SCFD2: variants seen among roughly 807,000 people sequenced by gnomAD.
The protein encoded by SCFD2 is sec1 family domain-containing protein 2.
SCFD2 carries 54 observed loss-of-function variants against 58.9 expected under a neutral mutation model. The observed-to-expected ratio is 0.92, with a 90% CI of 0.74 to 1.15. The LOEUF (loss-of-function observed/expected upper bound fraction) is 1.15, where lower values mean the gene tolerates loss of function less well. Ranked by LOEUF, SCFD2 falls within the 50% of genes most tolerant of loss-of-function variation. SCFD2 has a pLI of 0.00. For synonymous variants in SCFD2, 321 were observed against 335.9 expected (o/e 0.96, Z 0.49); for missense variants, 805 against 836.6 (o/e 0.96, Z 0.47).
At chr4:53,352,485 A>T in intron 2 of SCFD2, 113 bp downstream of exon 2, 1 of 851,640 alleles carries the variant, frequency 1.2e-6, no homozygotes, top group Non-Finnish European at 1.7e-6. Flanking sequence ...CCACTGTGAA[A>T]TTTTCAACCA....
chr4:53,040,393 A>T (rs1047335682), intron 5 of SCFD2, among the ~76,000 whole-genome samples: 1 of 152,070 alleles, frequency 6.6e-6, no homozygotes, highest in African/African-American at 2.4e-5. Flanking sequence ...ATTTATAAAT[A>T]ATCCACATTG....
chr4:53,238,255 C>T (rs1729741137), intron 4 of SCFD2, among the ~76,000 whole-genome samples: 1 of 121,512 alleles, frequency 8.2e-6, no homozygotes, highest in Admixed American at 8.0e-5. Flanking sequence ...TAGGGGCGGC[C>T]AGGCAGAGGC....
chr4:53,026,005 A>T (rs1253012340), intron 5 of SCFD2, among the ~76,000 whole-genome samples: 3 of 149,568 alleles, frequency 2.0e-5, no homozygotes, highest in African/African-American at 4.9e-5. Flanking sequence ...ACGGTTTTTC[A>T]TTTTTTTTTT....
chr4:52,919,719 A>G (rs1476917493), intron 6 of SCFD2, among the ~76,000 whole-genome samples: 1 of 152,222 alleles, frequency 6.6e-6, no homozygotes, highest in Non-Finnish European at 1.5e-5. Context: ...ACTTGTGGCA[A>G]TCAAAGGAAA....
chr4:52,922,927 C>T (rs1015298555), intron 5 of SCFD2, among the ~76,000 whole-genome samples: 4 of 152,108 alleles, frequency 2.6e-5, no homozygotes, highest in African/African-American at 4.8e-5. Flanking sequence ...TGAGGATACA[C>T]GTGTTGAAAA....
At chr4:53,133,963 G>A (rs1193105268) in intron 5 of SCFD2, among the ~76,000 whole-genome samples, 1 of 152,166 alleles carries the variant, frequency 6.6e-6, no homozygotes, top group Non-Finnish European at 1.5e-5. Flanking sequence ...ATACCAGAAT[G>A]CCAATATCTC....
chr4:53,028,108 G>A (rs1237579059), intron 5 of SCFD2, among the ~76,000 whole-genome samples: 12 of 151,946 alleles, frequency 7.9e-5, no homozygotes, highest in East Asian at 3.9e-4. Context: ...TTAGCTGGGC[G>A]TGGTGGCAGG....
chr4:53,224,322 G>C (rs1252464232), intron 4 of SCFD2, among the ~76,000 whole-genome samples: 1 of 150,686 alleles, frequency 6.6e-6, no homozygotes, highest in African/African-American at 2.4e-5. Flanking sequence ...CTGGGAGGCA[G>C]AGGTTGCAGT....
intron 4 of SCFD2, among the ~76,000 whole-genome samples, chr4:53,188,108 TA>T (rs1727788043): frequency 6.6e-6 from 1 of 152,022 alleles, no homozygotes; most frequent in South Asian, 2.1e-4. Flanking sequence ...GCTTAATGGT[TA>T]AATGGCAATA....
At chr4:53,297,470 TTTTG>T (rs959775318) in intron 3 of SCFD2, among the ~76,000 whole-genome samples, 398 of 152,204 alleles carry the variant, frequency 2.6e-3, no homozygotes, top group African/African-American at 8.8e-3. Context: ...TTGGTTTTTT[TTTTG>T]TTTGTTTGTT....
intron 7 of SCFD2, among the ~76,000 whole-genome samples, chr4:52,896,199 G>A (rs1171899167): frequency 6.6e-6 from 1 of 152,106 alleles, no homozygotes; most frequent in Non-Finnish European, 1.5e-5. Flanking sequence ...GGCTTTTGTT[G>A]CCATTGCTTT....
At chr4:53,175,128 G>C (rs928358877) in intron 4 of SCFD2, among the ~76,000 whole-genome samples, 4 of 152,078 alleles carry the variant, frequency 2.6e-5, no homozygotes, top group Non-Finnish European at 4.4e-5. Context: ...TTGAAATACA[G>C]AACTAATAAG....
At chr4:52,952,385 C>T (rs955483368) in intron 5 of SCFD2, among the ~76,000 whole-genome samples, 3 of 151,912 alleles carry the variant, frequency 2.0e-5, no homozygotes, top group African/African-American at 7.3e-5. Context: ...GGCAGCTGCC[C>T]TCCTCTCTGC....
chr4:52,955,246 C>G lies in SCFD2; in HGVS notation c.1562-34376G>C, dbSNP rs560550609. 3.3e-5 allele frequency among the ~76,000 whole-genome samples: 5 copies of G among 152,316 alleles called. No individual in the cohort carries two copies. The East Asian group carries it at 9.6e-4, about 29-fold the overall frequency. On this transcript the variant is annotated intron_variant, in intron 5 of 8. Coordinates refer to ENST00000401642, the MANE Select transcript of SCFD2 (RefSeq NM_152540.4). ...TTTCAGAACTGTTTTCTGTTCAGTG[C>G]TAAGAGCAAGAGGTCATCCCAGCAT...
At chr4:52,981,009 G>A (rs1721365579) in intron 5 of SCFD2, among the ~76,000 whole-genome samples, 2 of 152,110 alleles carry the variant, frequency 1.3e-5, no homozygotes, top group African/African-American at 4.8e-5. Flanking sequence ...CTGGCATGGG[G>A]TTGGCTCAGT....
chr4:52,970,814 C>T (rs547236931), intron 5 of SCFD2, among the ~76,000 whole-genome samples: 10 of 152,200 alleles, frequency 6.6e-5, no homozygotes, highest in South Asian at 2.1e-4. Context: ...TCCTCTGAGA[C>T]GAAACTTCCA....
chr4:53,163,576 T>C (rs1187902005), intron 4 of SCFD2, among the ~76,000 whole-genome samples: 2 of 152,044 alleles, frequency 1.3e-5, no homozygotes, highest in Non-Finnish European at 2.9e-5. Flanking sequence ...AGTAAAAATA[T>C]AAAACAATTA....
At chr4:53,119,335 G>A (rs1174501630) in intron 5 of SCFD2, among the ~76,000 whole-genome samples, 3 of 145,368 alleles carry the variant, frequency 2.1e-5, no homozygotes, top group Non-Finnish European at 4.6e-5. Context: ...AAAAAAAATA[G>A]CCAGGTGTGG....
chr4:52,908,667 A>AT (rs571335935), intron 6 of SCFD2, among the ~76,000 whole-genome samples: 1,637 of 151,214 alleles, frequency 0.011, 22 homozygotes, highest in African/African-American at 0.036. Flanking sequence ...TCTTCCAGTC[A>AT]TTTTTTTTTA....
Sources: allele counts gnomAD v4.1 joint callset (sites outside exome capture counted in the v4.1 genomes callset), GRCh38; gene constraint gnomAD v4.1.1; transcripts MANE v1.5; gene names NCBI Gene and HGNC (gene_info 2026-07-23, HGNC 2026-07-21).